PLCZ1: variants seen among roughly 807,000 people sequenced by gnomAD.
PLCZ1 encodes 1-phosphatidylinositol 4,5-bisphosphate phosphodiesterase zeta-1.
PLCZ1 carries 64 observed loss-of-function variants against 76.8 expected under a neutral mutation model. That is an observed-to-expected ratio of 0.83 (90% CI 0.68 to 1.03). The LOEUF (loss-of-function observed/expected upper bound fraction) is 1.03. Among genes scored for constraint, PLCZ1 ranks in the 50% least tolerant of loss-of-function variants. The pLI, the probability that PLCZ1 is intolerant of heterozygous loss-of-function variation, is 0.00. For missense variants in PLCZ1, 751 were observed against 713.7 expected, an observed-to-expected ratio of 1.05 and a Z score of -0.60; for synonymous variants, 248 against 230.8, an observed-to-expected ratio of 1.07 and a Z score of -0.68.
At chr12:18,660,456 G>A in the PLCZ1 span, among the ~76,000 whole-genome samples, 13 of 151,980 alleles carry the variant, frequency 8.6e-5, no homozygotes, top group African/African-American at 1.5e-4. Context: ...CCAGCGCCTC[G>A]GCACCTTTAG....
At chr12:18,647,117 A>T in the PLCZ1 span, among the ~76,000 whole-genome samples, 5 of 152,128 alleles carry the variant, frequency 3.3e-5, no homozygotes, top group African/African-American at 1.2e-4. Flanking sequence ...TTTAATAAGC[A>T]TGTATTTTCA....
At chr12:18,660,618 T>C in the PLCZ1 span, among the ~76,000 whole-genome samples, 459 of 152,270 alleles carry the variant, frequency 3.0e-3, 3 homozygotes, top group African/African-American at 0.01. Context: ...CTTAGATTTA[T>C]ACCTCAGGCT....
chr12:18,726,264 T>C (rs1958744571), intron 3 of PLCZ1, among the ~76,000 whole-genome samples: 1 of 152,190 alleles, frequency 6.6e-6, no homozygotes, highest in African/African-American at 2.4e-5. Flanking sequence ...ACCTTTAAAA[T>C]GTTTCGTATT....
downstream of PLCZ1, among the ~76,000 whole-genome samples, chr12:18,680,882 A>G (rs1952345386): frequency 6.6e-6 from 1 of 152,066 alleles, no homozygotes; most frequent in African/African-American, 2.4e-5. Flanking sequence ...GGTCAATTCT[A>G]TGATTGGAGT....
intron 4 of PLCZ1, among the ~76,000 whole-genome samples, chr12:18,720,806 G>A (rs1958394118): frequency 1.3e-5 from 2 of 151,958 alleles, no homozygotes; most frequent in South Asian, 4.1e-4. Context: ...AGCAAGATAA[G>A]TGCAGGGGAA....
intron 5 of PLCZ1, chr12:18,714,750 G>T (rs1592224921): frequency 6.6e-6 from 1 of 152,172 alleles, no homozygotes; most frequent in East Asian, 1.9e-4. Flanking sequence ...TGCCACAACT[G>T]GAGATAGGGA....
intron 5 of PLCZ1, among the ~76,000 whole-genome samples, chr12:18,717,730 T>A (rs1363595863): frequency 6.6e-6 from 1 of 152,162 alleles, no homozygotes; most frequent in Non-Finnish European, 1.5e-5. Context: ...ACATCTTGAT[T>A]CCTCTCTTTC....
At chr12:18,717,706 G>A (rs1474566687) in intron 5 of PLCZ1, among the ~76,000 whole-genome samples, 1 of 151,986 alleles carries the variant, frequency 6.6e-6, no homozygotes, top group Non-Finnish European at 1.5e-5. Flanking sequence ...ACTGTAATTT[G>A]GTTATTGGAA....
chr12:18,731,607 T>C (rs768711284), intron 3 of PLCZ1, among the ~76,000 whole-genome samples: 6 of 139,556 alleles, frequency 4.3e-5, no homozygotes, highest in Admixed American at 4.0e-4. Context: ...ATCAGGCCAA[T>C]TGGTAGCTTG....
At chr12:18,676,127 G>A in the PLCZ1 span, among the ~76,000 whole-genome samples, 2 of 152,008 alleles carry the variant, frequency 1.3e-5, no homozygotes, top group African/African-American at 4.8e-5. Context: ...TTGCCATCTT[G>A]GGACTGTGAG....
At chr12:18,702,111 A>C (rs1956025747) in intron 7 of PLCZ1, among the ~76,000 whole-genome samples, 1 of 152,110 alleles carries the variant, frequency 6.6e-6, no homozygotes, top group Non-Finnish European at 1.5e-5. Flanking sequence ...TTGCAATGAA[A>C]ATGTTACAAC....
chr12:18,646,350 A>C, the PLCZ1 span, among the ~76,000 whole-genome samples: 7 of 152,340 alleles, frequency 4.6e-5, no homozygotes, highest in African/African-American at 1.4e-4. Flanking sequence ...ATGGAATGAG[A>C]GTAAAATTCT....
At chr12:18,685,857 CACACACACACACAT>C (rs1326319858) in intron 13 of PLCZ1, among the ~76,000 whole-genome samples, 26 of 145,784 alleles carry the variant, frequency 1.8e-4, no homozygotes, top group Non-Finnish European at 3.6e-4. Context: ...CACACACACA[CACACACACACACAT>C]ACAATAATAT....
chr12:18,667,263 T>G, the PLCZ1 span, among the ~76,000 whole-genome samples: 10 of 152,170 alleles, frequency 6.6e-5, no homozygotes, highest in Non-Finnish European at 1.2e-4. Flanking sequence ...TGACAGCATA[T>G]GACTACCACT....
the PLCZ1 span, among the ~76,000 whole-genome samples, chr12:18,650,882 C>T: frequency 6.6e-6 from 1 of 151,258 alleles, no homozygotes. Context: ...TGCTATCATC[C>T]TTGGCCTGGA....
At chr12:18,722,986 C>G (rs554561677) in intron 4 of PLCZ1, among the ~76,000 whole-genome samples, 123 of 151,980 alleles carry the variant, frequency 8.1e-4, no homozygotes, top group African/African-American at 2.8e-3. Context: ...GATCAAGATA[C>G]TTTCTTCTAA....
rs751212547 is a variant in PLCZ1 at position 18,699,833 on chromosome 12, T to A, written c.1135A>T (p.Ile379Phe). 5.0e-6 allele frequency: 8 copies of A among 1,613,526 alleles called. No individual in the cohort carries two copies. Among genetic ancestry groups the A allele is most frequent in the Non-Finnish European group, 6.8e-6 (8 of 1,179,706 alleles). ...LYQQFNENNS[I>F]GETQARKLSK... Reference sequence around the variant, plus strand: ...AGTTTTCGGGCTTGTGTCTCCCCAATAGAATTATTTTCATTAAATTGCTGA... The same window carrying A: ...AGTTTTCGGGCTTGTGTCTCCCCAAAAGAATTATTTTCATTAAATTGCTGA... Residue 379 changes from isoleucine to phenylalanine, a missense_variant, in exon 10 of 15, where the codon ATT (isoleucine) becomes TTT (phenylalanine). By Grantham distance (21) the Ile-to-Phe change is conservative. Coordinates refer to ENST00000266505, the MANE Select transcript of PLCZ1 (RefSeq NM_033123.4).
chr12:18,727,541 A>G (rs1431182330), intron 3 of PLCZ1, among the ~76,000 whole-genome samples: 1 of 152,128 alleles, frequency 6.6e-6, no homozygotes, highest in Non-Finnish European at 1.5e-5. Context: ...CTATTTGTTA[A>G]GATCAGAGCA....
chr12:18,651,831 A>G, the PLCZ1 span, among the ~76,000 whole-genome samples: 2 of 152,166 alleles, frequency 1.3e-5, no homozygotes. Context: ...AGACATATGC[A>G]TGAGGCAACC....
Sources: gnomAD v4.1 joint callset for allele counts (sites outside exome capture counted in the v4.1 genomes callset) on GRCh38, gnomAD v4.1.1 for gene constraint, MANE v1.5 for transcripts, NCBI Gene and HGNC (gene_info 2026-07-23, HGNC 2026-07-21) for gene names.